Variants in ACER3 observed in about 807,000 individuals in gnomAD.
The protein encoded by ACER3 is alkCDase 3.
A neutral mutation model predicts 48.9 loss-of-function variants in ACER3; 16 were observed. The ratio of observed to expected loss-of-function variants is 0.33; its 90% CI spans 0.22 to 0.50. The LOEUF (loss-of-function observed/expected upper bound fraction) is 0.50. Ranked by LOEUF, ACER3 falls within the 20% of genes least tolerant of loss-of-function variation. The probability of loss-of-function intolerance (pLI) is 0.98; values close to 1 mark genes in which losing one functional copy is unlikely to be tolerated. For synonymous variants in ACER3, 109 were observed against 107.8 expected (o/e 1.01, Z -0.07); for missense variants, 227 against 326.0 (o/e 0.70, Z 2.34).
chr11:76,961,343 ATATGCATATG>A, intron 3 of ACER3, among the ~76,000 whole-genome samples: 1 of 152,306 alleles, frequency 6.6e-6, no homozygotes, highest in African/African-American at 2.4e-5. Flanking sequence ...AAAATATGTG[ATATGCATATG>A]TATGTATTTT....
intron 1 of ACER3, among the ~76,000 whole-genome samples, chr11:76,862,180 G>T (rs1006872959): frequency 6.6e-6 from 1 of 151,720 alleles, no homozygotes; most frequent in African/African-American, 2.4e-5. Context: ...CCTTCTCATT[G>T]TTGAGTCCTG....
At chr11:76,907,955 G>C (rs1408467968) in intron 1 of ACER3, among the ~76,000 whole-genome samples, 1 of 152,102 alleles carries the variant, frequency 6.6e-6, no homozygotes, top group Admixed American at 6.5e-5. Context: ...TATAATTTTT[G>C]CCGGGCACAG....
chr11:77,000,626 T>A (rs1465446581), intron 7 of ACER3, among the ~76,000 whole-genome samples: 4 of 152,242 alleles, frequency 2.6e-5, no homozygotes, highest in African/African-American at 7.2e-5. Flanking sequence ...GTTTTTTCCA[T>A]GTGGATGTCC....
In ACER3 at chr11:76,966,969, G is replaced by A. The variant is rs190616795; in HGVS notation, c.267+7938G>A. Among the ~76,000 whole-genome samples, 839 of 152,200 alleles carry A rather than the reference G, an allele frequency of 5.5e-3. 11 individuals are homozygous for A. Among genetic ancestry groups the A allele is most frequent in the African/African-American group, 0.019 (800 of 41,486 alleles). On this transcript the variant is annotated intron_variant, in intron 3 of 10. Transcript: ENST00000532485. ...AAATAACTAAAATCAGAGCAGAACT[G>A]AAGGAGATAAAGACACAAAAAACCC...
chr11:76,968,048 G>A (rs999283593), intron 3 of ACER3, among the ~76,000 whole-genome samples: 18 of 152,112 alleles, frequency 1.2e-4, no homozygotes, highest in Non-Finnish European at 1.8e-4. Flanking sequence ...AAACCCCATC[G>A]TCTCAGCCCA....
chr11:76,927,412 T>C (rs945894376), intron 2 of ACER3, among the ~76,000 whole-genome samples: 3 of 152,198 alleles, frequency 2.0e-5, no homozygotes, highest in African/African-American at 7.2e-5. Flanking sequence ...AAATACCAAA[T>C]GAAGTAGATT....
chr11:76,973,036 C>T (rs780193502), intron 3 of ACER3, among the ~76,000 whole-genome samples: 8 of 152,222 alleles, frequency 5.3e-5, no homozygotes, highest in South Asian at 2.1e-4. Context: ...AAGATAGTAA[C>T]GCCACAGGGC....
intron 2 of ACER3, among the ~76,000 whole-genome samples, chr11:76,942,134 C>G (rs1336079943): frequency 6.6e-6 from 1 of 152,070 alleles, no homozygotes; most frequent in African/African-American, 2.4e-5. Flanking sequence ...TTGACTTCTT[C>G]TTTTCCAATT....
chr11:76,996,647 T>C (rs978935325), intron 6 of ACER3, among the ~76,000 whole-genome samples: 3 of 151,506 alleles, frequency 2.0e-5, no homozygotes. Flanking sequence ...CTCAAACTCC[T>C]AACCTCAGGT....
chr11:76,933,088 G>C (rs1488458155), intron 2 of ACER3, among the ~76,000 whole-genome samples: 1 of 150,616 alleles, frequency 6.6e-6, no homozygotes, highest in Admixed American at 6.6e-5. Flanking sequence ...ACATTAAGGG[G>C]AATTAAGATC....
chr11:76,960,603 A>G (rs1480896665), intron 3 of ACER3, among the ~76,000 whole-genome samples: 1 of 152,184 alleles, frequency 6.6e-6, no homozygotes, highest in East Asian at 1.9e-4. Flanking sequence ...TTGGAGTGTC[A>G]AAACCTGAGT....
intron 2 of ACER3, among the ~76,000 whole-genome samples, chr11:76,937,788 A>T (rs977799524): frequency 6.6e-6 from 1 of 152,210 alleles, no homozygotes; most frequent in Non-Finnish European, 1.5e-5. Flanking sequence ...TTTCAAAAGT[A>T]TGTTATTATT....
At chr11:76,891,174 A>G (rs1194160674) in intron 1 of ACER3, among the ~76,000 whole-genome samples, 1 of 151,468 alleles carries the variant, frequency 6.6e-6, no homozygotes, top group African/African-American at 2.4e-5. Flanking sequence ...CATTTCTTTA[A>G]TCATATAGAA....
At chr11:77,010,535 CAG>C (rs1232262544) in intron 7 of ACER3, among the ~76,000 whole-genome samples, 4 of 150,210 alleles carry the variant, frequency 2.7e-5, no homozygotes, top group Non-Finnish European at 5.9e-5. Context: ...AAAAAGGAGA[CAG>C]AGGCAGAGAA....
Position 76,926,605 on chromosome 11 carries a change from C to T in ACER3, c.152C>T (p.Ala51Val). Residue 51 changes from alanine to valine, a missense_variant, in exon 2 of 11, where the codon GCA becomes GTA. Transcript: ENST00000532485. Reference protein sequence around the residue: ...LIMIIPPMFGAVQSVRDGLEK... With the variant: ...LIMIIPPMFGVVQSVRDGLEK... ...ATGATTATACCTCCAATGTTCGGTG[C>T]AGTTCAGAGTGTTAGAGACGGTCTG... The T allele has an allele frequency of 6.2e-7, 1 of 1,609,698 alleles. No homozygotes were observed. The highest frequency in any genetic ancestry group is 8.5e-7 in the Non-Finnish European group (1 of 1,176,218).
chr11:76,934,486 G>T (rs1263925291), intron 2 of ACER3, among the ~76,000 whole-genome samples: 6 of 152,272 alleles, frequency 3.9e-5, no homozygotes, highest in Non-Finnish European at 8.8e-5. Context: ...AGGAGCTGGA[G>T]ACCAGCCCGG....
intron 1 of ACER3, among the ~76,000 whole-genome samples, chr11:76,891,246 TAA>T (rs1945796563): frequency 6.1e-5 from 2 of 32,834 alleles, no homozygotes; most frequent in South Asian, 1.5e-3. Context: ...TTTATATATA[TAA>T]TATATATATA....
At chr11:76,973,485 C>T (rs779550702) in intron 3 of ACER3, among the ~76,000 whole-genome samples, 33 of 152,232 alleles carry the variant, frequency 2.2e-4, no homozygotes, top group South Asian at 1.2e-3. Context: ...CTCAAAGGGA[C>T]GGACATGTCC....
intron 1 of ACER3, among the ~76,000 whole-genome samples, chr11:76,880,308 A>G (rs1945490492): frequency 6.6e-6 from 1 of 152,226 alleles, no homozygotes. Context: ...CTTGGCACAC[A>G]AACTGTTTTT....
Sources: allele counts gnomAD v4.1 joint callset (sites outside exome capture counted in the v4.1 genomes callset), GRCh38; gene constraint gnomAD v4.1.1; transcripts MANE v1.5; gene names NCBI Gene and HGNC (gene_info 2026-07-23, HGNC 2026-07-21).